The following TAL1 variants were observed in gnomAD, a reference collection of about 807,000 sequenced individuals.
The protein encoded by TAL1 is TAL bHLH transcription factor 1, erythroid differentiation factor.
In TAL1, 8 loss-of-function variants were observed where a neutral mutation model predicts 17.9. The observed-to-expected ratio is 0.45, with a 90% CI of 0.26 to 0.81. The LOEUF is 0.81. Among genes scored for constraint, TAL1 ranks in the 30% least tolerant of loss-of-function variants. The pLI, the probability that TAL1 is intolerant of heterozygous loss-of-function variation, is 0.17. For synonymous variants in TAL1, 223 were observed against 218.6 expected (o/e 1.02, Z -0.18); for missense variants, 466 against 486.9 (o/e 0.96, Z 0.40).
At chr1:47,221,091 C>A (rs1360115493) in intron 3 of TAL1, among the ~76,000 whole-genome samples, 1 of 152,202 alleles carries the variant, frequency 6.6e-6, no homozygotes, top group Non-Finnish European at 1.5e-5. Flanking sequence ...TAGGCAGGGT[C>A]CAGACTCCAC....
exon 4 of TAL1, chr1:47,217,867 A>T (rs901559984): frequency 2.5e-6 from 1 of 397,710 alleles, no homozygotes; most frequent in Non-Finnish European, 4.4e-6. Flanking sequence ...AGGATCTTCC[A>T]AACGTTGGAA....
upstream of TAL1, chr1:47,231,697 G>T (rs758462210): frequency 6.3e-4 from 148 of 233,584 alleles, no homozygotes; most frequent in Non-Finnish European, 1.0e-3. Flanking sequence ...GAGCACAATC[G>T]TACGCAACGA....
At chr1:47,229,999 G>A (rs187630080), upstream of TAL1, 1 of 152,152 alleles carries the variant, frequency 6.6e-6, no homozygotes, top group East Asian at 1.9e-4. Flanking sequence ...GTCCTTTCTC[G>A]TCTCCCTACT....
chr1:47,223,270 C>G (rs1643862066), intron 3 of TAL1: 1 of 152,302 alleles, frequency 6.6e-6, no homozygotes, highest in South Asian at 2.1e-4. Flanking sequence ...CTCTCCTACC[C>G]CTGGTGCTGG....
upstream of TAL1, chr1:47,231,530 A>G: frequency 4.3e-6 from 1 of 234,164 alleles, no homozygotes; most frequent in Non-Finnish European, 8.4e-6. Context: ...GCCCAACAGG[A>G]CACAACGAAA....
At chr1:47,231,649 CCACA>C, upstream of TAL1, 1 of 234,020 alleles carries the variant, frequency 4.3e-6, no homozygotes, top group Non-Finnish European at 8.4e-6. Context: ...CCACACACCC[CCACA>C]CACAGAATCA....
At chr1:47,230,075 C>A (rs1643982905), upstream of TAL1, 1 of 152,124 alleles carries the variant, frequency 6.6e-6, no homozygotes, top group Admixed American at 6.6e-5. Context: ...TAAAGACCAA[C>A]AAAGGGGGAA....
chr1:47,217,039 CTT>C (rs1645508586), exon 4 of TAL1: 3 of 232,266 alleles, frequency 1.3e-5, no homozygotes, highest in Non-Finnish European at 2.6e-5. Context: ...TCCCATATCT[CTT>C]TTCCATTCTT....
At chr1:47,228,681 C>T (rs1226963655) in intron 1 of TAL1, 1 of 168,502 alleles carries the variant, frequency 5.9e-6, no homozygotes, top group Admixed American at 6.4e-5. Context: ...AGCACAACAC[C>T]CTGGAGAAGC....
exon 4 of TAL1, chr1:47,219,267 G>A: frequency 2.2e-6 from 1 of 452,428 alleles, no homozygotes; most frequent in Non-Finnish European, 4.2e-6. Context: ...CAGCTATTGG[G>A]TACCTATAAA....
chr1:47,230,937 A>G (rs534047512), upstream of TAL1: 2 of 152,362 alleles, frequency 1.3e-5, no homozygotes, highest in Admixed American at 1.3e-4. Context: ...AAATCTTCCC[A>G]GGAGGTGATC....
chr1:47,226,526 C>CCACA (rs142534636), intron 1 of TAL1, among the ~76,000 whole-genome samples: 60 of 150,660 alleles, frequency 4.0e-4, no homozygotes, highest in African/African-American at 1.1e-3. Context: ...CCAGCTCCCT[C>CCACA]CACACACACA....
At position 47,219,894 on chromosome 1, in the gene TAL1, G is replaced by GGGGCCCCC; in HGVS notation, c.821_822insGGGGGCCC (p.Ala275GlyfsTer173). The GGGGCCCCC allele has an allele frequency of 6.4e-7, 1 of 1,555,996 alleles. No homozygotes were observed. Among genetic ancestry groups the GGGGCCCCC allele is most frequent in the Non-Finnish European group, 8.7e-7 (1 of 1,149,554 alleles). Reference sequence around the variant, plus strand: ...CTTGCAGGAGGTCATCTGGGGGCGCGCCGCCCCCTCCCCCACCTCCACCCC... The same window carrying GGGGCCCCC: ...CTTGCAGGAGGTCATCTGGGGGCGCGGGGCCCCCCCGCCCCCTCCCCCACCTCCACCCC... On this transcript the variant is annotated frameshift_variant, in exon 4 of 4. Coordinates refer to ENST00000294339, the Ensembl canonical transcript of TAL1. LOFTEE classifies it high-confidence loss of function.
exon 4 of TAL1, chr1:47,219,574 A>C (rs1307724584): frequency 1.5e-6 from 2 of 1,325,960 alleles, no homozygotes; most frequent in Non-Finnish European, 2.1e-6. Context: ...GGGTCAGTAA[A>C]GGCTTCCCAA....
intron 2 of TAL1, among the ~76,000 whole-genome samples, chr1:47,224,638 C>T (rs1340677618): frequency 6.6e-6 from 1 of 152,116 alleles, no homozygotes; most frequent in Non-Finnish European, 1.5e-5. Context: ...AGACAGGAAA[C>T]CCTGACTCCC....
chr1:47,225,221 C>G (rs768595450), intron 2 of TAL1, among the ~76,000 whole-genome samples: 13 of 152,314 alleles, frequency 8.5e-5, no homozygotes, highest in Non-Finnish European at 1.8e-4. Flanking sequence ...CGCAGCCACA[C>G]GCACACTCTC....
At chr1:47,223,783 C>A (rs1387654914) in intron 3 of TAL1, among the ~76,000 whole-genome samples, 1 of 152,180 alleles carries the variant, frequency 6.6e-6, no homozygotes, top group Non-Finnish European at 1.5e-5. Context: ...CTCTCCCATG[C>A]CTCCTCTTTG....
At chr1:47,220,864 G>C (rs548469858) in intron 3 of TAL1, among the ~76,000 whole-genome samples, 26 of 152,286 alleles carry the variant, frequency 1.7e-4, no homozygotes, top group African/African-American at 6.0e-4. Flanking sequence ...ATGGGGAAAC[G>C]AATATTAAAA....
At chr1:47,226,071 G>A (rs1416138048) in intron 1 of TAL1, 182 bp from the exon 3 acceptor site, 4 of 503,854 alleles carry the variant, frequency 7.9e-6, no homozygotes, top group African/African-American at 2.1e-5. Flanking sequence ...GGCTAGGGTG[G>A]GAGGGAAAGA....
Sources: gnomAD v4.1 joint callset for allele counts (sites outside exome capture counted in the v4.1 genomes callset) on GRCh38, gnomAD v4.1.1 for gene constraint, MANE v1.5 for transcripts, NCBI Gene and HGNC (gene_info 2026-07-23, HGNC 2026-07-21) for gene names.